The following ABCC9 variants were observed in gnomAD, a reference collection of about 807,000 sequenced individuals.
The protein encoded by ABCC9 is ATP-binding cassette sub-family C member 9.
A neutral mutation model predicts 188.3 loss-of-function variants in ABCC9; 95 were observed. The observed-to-expected ratio is 0.50, with a 90% CI of 0.43 to 0.60. The LOEUF (loss-of-function observed/expected upper bound fraction) is 0.60, where lower values mean the gene tolerates loss of function less well. Among genes scored for constraint, ABCC9 ranks in the 20% least tolerant of loss-of-function variants. The pLI is 0.00. For synonymous variants in ABCC9, 659 were observed against 652.7 expected, an observed-to-expected ratio of 1.01 and a Z score of -0.15; for missense variants, 1,102 against 1,876.3, an observed-to-expected ratio of 0.59 and a Z score of 7.62.
At chr12:21,820,444 T>C (rs1942971343) in intron 31 of ABCC9, among the ~76,000 whole-genome samples, 1 of 152,042 alleles carries the variant, frequency 6.6e-6, no homozygotes, top group Non-Finnish European at 1.5e-5. Context: ...AACAGTGCCT[T>C]CCTATTATAC....
At chr12:21,917,493 A>T (rs1182278370) in intron 5 of ABCC9, among the ~76,000 whole-genome samples, 2 of 152,128 alleles carry the variant, frequency 1.3e-5, no homozygotes, top group African/African-American at 4.8e-5. Flanking sequence ...TGTATAACCT[A>T]CTTCATAGGT....
chr12:21,822,054 C>A (rs1029414297), intron 31 of ABCC9, among the ~76,000 whole-genome samples: 6 of 152,066 alleles, frequency 3.9e-5, no homozygotes, highest in Non-Finnish European at 7.4e-5. Flanking sequence ...AAAAGAAAGG[C>A]ATAGCTTTTT....
chr12:21,914,861 G>T (rs1242145517), intron 7 of ABCC9, among the ~76,000 whole-genome samples: 2 of 150,512 alleles, frequency 1.3e-5, no homozygotes, highest in Non-Finnish European at 2.9e-5. Flanking sequence ...AAGGAAATCT[G>T]CTCTTCCTCA....
chr12:21,845,722 G>T lies in ABCC9; in HGVS notation c.2977C>A (p.Leu993Met). Reference protein sequence around the residue: ...WRYLTSGGFFLLILMIFSKLL... With the variant: ...WRYLTSGGFFMLILMIFSKLL... ...TTAGAGAAAATCATCAGGATGAGCA[G>T]GAAGAATCCTCCAGATGTCAGGTAG... is the stretch of plus-strand genomic sequence containing the variant. The change falls in exon 26 of 40, where the codon CTG becomes ATG. Residue 993 changes from leucine (L) to methionine (M), a missense_variant. Leu to Met is a conservative substitution (Grantham distance 15). Around this residue, in one of 12 missense-constraint regions of ABCC9, gnomAD observed 131 missense variants for 170.2 expected, o/e 0.77. Coordinates refer to ENST00000261200, the MANE Select transcript of ABCC9 (RefSeq NM_020297.4). The T allele has an allele frequency of 3.1e-6, 5 of 1,613,880 alleles. No individual in the cohort carries two copies. The highest frequency in any genetic ancestry group is 4.2e-6 in the Non-Finnish European group (5 of 1,179,848).
chr12:21,929,070 A>G (rs1949167268), intron 4 of ABCC9, among the ~76,000 whole-genome samples: 1 of 152,324 alleles, frequency 6.6e-6, no homozygotes, highest in Middle Eastern at 3.4e-3. Context: ...AAACACAGTA[A>G]TAGTGAAGAT....
At chr12:21,887,139 T>TA (rs1448698607) in intron 15 of ABCC9, among the ~76,000 whole-genome samples, 5 of 152,104 alleles carry the variant, frequency 3.3e-5, no homozygotes, top group African/African-American at 9.7e-5. Context: ...AGCCAAAAAA[T>TA]AAAAAACACA....
rs200891785 is a variant in ABCC9, at chr12:21,882,792, C to T, written c.1993G>A (p.Ala665Thr). ...TTTATTGCAATGTCCTCTGTTTCTG[C>T]GGGACGTAGACGCCGTGTTGATTGC... is the stretch of plus-strand genomic sequence containing the variant. Reference protein sequence around the residue: ...YEQSTRRLRPAETEDIAIKVT... With the variant: ...YEQSTRRLRPTETEDIAIKVT... Residue 665 changes from alanine (A) to threonine (T), a missense_variant, in exon 16 of 40, where the codon GCA becomes ACA. This residue lies in a region of ABCC9 where 258 missense variants were observed against 325.6 expected (regional missense o/e 0.79). Coordinates refer to ENST00000261200, the MANE Select transcript of ABCC9 (RefSeq NM_020297.4). 3.0e-5 allele frequency: 49 copies of T among 1,613,196 alleles called. No individual in the cohort carries two copies. The highest frequency in any genetic ancestry group is 3.3e-4 in the Middle Eastern group (2 of 6,082).
intron 2 of ABCC9, among the ~76,000 whole-genome samples, chr12:21,938,483 AAGAC>A (rs1949580199): frequency 6.6e-6 from 1 of 152,270 alleles, no homozygotes; most frequent in Admixed American, 6.5e-5. Context: ...ATTTCTGGCA[AAGAC>A]AGACAAAAAC....
chr12:21,926,130 T>C, intron 4 of ABCC9, 67 bp from the exon 5 acceptor site: 1 of 1,607,272 alleles, frequency 6.2e-7, no homozygotes. Context: ...TTTTTTCAAA[T>C]TTTTTCATAA....
intron 19 of ABCC9, 76 bp from the exon 20 acceptor site, chr12:21,863,130 T>C (rs1275133543): frequency 6.3e-6 from 6 of 958,972 alleles, no homozygotes; most frequent in African/African-American, 3.4e-5. Flanking sequence ...TTACTATAAA[T>C]AGGGGAAATA....
intron 16 of ABCC9, among the ~76,000 whole-genome samples, chr12:21,880,456 T>A (rs1946567154): frequency 6.6e-6 from 1 of 152,144 alleles, no homozygotes; most frequent in Non-Finnish European, 1.5e-5. Flanking sequence ...GAAAGCCAAG[T>A]TACACAGAGT....
chr12:21,880,433 A>G (rs1018125982), intron 16 of ABCC9, among the ~76,000 whole-genome samples: 1 of 152,142 alleles, frequency 6.6e-6, no homozygotes, highest in Non-Finnish European at 1.5e-5. Context: ...TCAATGAAAG[A>G]TATCATAGAG....
At chr12:21,844,411 T>C (rs1234402115) in intron 28 of ABCC9, 72 bp downstream of exon 28, 2 of 1,274,130 alleles carry the variant, frequency 1.6e-6, no homozygotes, top group Non-Finnish European at 2.3e-6. Flanking sequence ...GGAATTATAC[T>C]TTATCTTAAA....
chr12:21,894,488 A>T (rs1947309913), intron 13 of ABCC9, among the ~76,000 whole-genome samples: 1 of 152,222 alleles, frequency 6.6e-6, no homozygotes. Context: ...TTCAACAACC[A>T]GTCAAGCCCT....
In ABCC9 at chr12:21,807,382, A is replaced by G; in HGVS notation, c.4413T>C (p.Ile1471=). ...CAATGGAAGCTGTTGCCTCATCCAT[A>G]ATAAGAATGCTGCTTTTGCGGACAA... ...RAFVRKSSIL[I]MDEATASIDM... Residue 1471 remains isoleucine (I), a synonymous_variant, in exon 38 of 40, where the codon ATT becomes ATC. Coordinates refer to ENST00000261200, the MANE Select transcript of ABCC9 (RefSeq NM_020297.4). 1.2e-6 allele frequency: 2 copies of G among 1,614,000 alleles called. No individual in the cohort carries two copies. The highest frequency in any genetic ancestry group is 1.7e-6 in the Non-Finnish European group (2 of 1,179,870).
intron 31 of ABCC9, among the ~76,000 whole-genome samples, chr12:21,818,526 A>ATATGTGTGTG (rs1212715273): frequency 7.3e-6 from 1 of 136,442 alleles, no homozygotes; most frequent in African/African-American, 2.8e-5. Context: ...ATATATATAT[A>ATATGTGTGTG]TGTGTGTGTG....
chr12:21,805,332 G>C lies in ABCC9; in HGVS notation c.4512+666C>G, dbSNP rs746020145. Reference sequence around the variant, plus strand: ...CGGTGCTGGAGAGAAAAATAGAAAAGAAGAGAATCAGCAGAAGGAAAAATG... The same window carrying C: ...CGGTGCTGGAGAGAAAAATAGAAAACAAGAGAATCAGCAGAAGGAAAAATG... On this transcript the variant is annotated intron_variant, in intron 39 of 39. Coordinates refer to ENST00000261200, the MANE Select transcript of ABCC9 (RefSeq NM_020297.4). 2.5e-6 allele frequency: 4 copies of C among 1,611,218 alleles called. No individual in the cohort carries two copies. In the South Asian group the frequency reaches 4.4e-5, roughly 18 times the overall value.
At chr12:21,866,703 C>A (rs892598148) in intron 18 of ABCC9, among the ~76,000 whole-genome samples, 2 of 152,098 alleles carry the variant, frequency 1.3e-5, no homozygotes, top group East Asian at 3.9e-4. Flanking sequence ...TTCAAGGAGT[C>A]GTCGATGGGT....
chr12:21,852,706 CCATG>C (rs1945030754), intron 22 of ABCC9, among the ~76,000 whole-genome samples: 2 of 151,830 alleles, frequency 1.3e-5, no homozygotes, highest in African/African-American at 4.8e-5. Context: ...CACCAAACCC[CCATG>C]ACACACAATT....
Sources: gnomAD v4.1 joint callset for allele counts (sites outside exome capture counted in the v4.1 genomes callset) on GRCh38, gnomAD v4.1.1 for gene constraint, gnomAD v4.1.1 regional missense constraint, MANE v1.5 for transcripts, NCBI Gene and HGNC (gene_info 2026-07-23, HGNC 2026-07-21) for gene names.